The following GPC5 variants were observed in gnomAD, a reference collection of about 807,000 sequenced individuals.
GPC5 encodes glypican 5.
A neutral mutation model predicts 53.9 loss-of-function variants in GPC5; 47 were observed. The observed-to-expected ratio is 0.87, with a 90% CI of 0.69 to 1.11. The LOEUF is 1.11. Among genes scored for constraint, GPC5 ranks in the 50% most tolerant of loss-of-function variants. The pLI is 0.00. For missense variants in GPC5, 748 were observed against 713.1 expected (o/e 1.05, Z -0.56); for synonymous variants, 286 against 263.3 (o/e 1.09, Z -0.84).
chr13:92,113,633 C>G (rs1327242827), intron 6 of GPC5, among the ~76,000 whole-genome samples: 1 of 151,988 alleles, frequency 6.6e-6, no homozygotes, highest in African/African-American at 2.4e-5. Context: ...ATGTTAGGGA[C>G]ATATTAAGAG....
chr13:92,295,857 G>A (rs759274247), intron 7 of GPC5, among the ~76,000 whole-genome samples: 2 of 152,024 alleles, frequency 1.3e-5, no homozygotes, highest in African/African-American at 2.4e-5. Flanking sequence ...GTCCTTATGC[G>A]TTAGGTAAGT....
intron 6 of GPC5, among the ~76,000 whole-genome samples, chr13:92,033,090 A>G (rs2040866931): frequency 6.9e-6 from 1 of 145,928 alleles, no homozygotes; most frequent in Non-Finnish European, 1.5e-5. Flanking sequence ...TCATTGAACC[A>G]TATCAGTTTC....
chr13:92,465,021 T>C (rs1226637694), intron 7 of GPC5, among the ~76,000 whole-genome samples: 1 of 151,948 alleles, frequency 6.6e-6, no homozygotes, highest in Non-Finnish European at 1.5e-5. Context: ...TTGTGACAGA[T>C]GGTACATTCA....
At chr13:91,857,211 C>A (rs2038976550) in intron 5 of GPC5, among the ~76,000 whole-genome samples, 1 of 151,172 alleles carries the variant, frequency 6.6e-6, no homozygotes, top group Non-Finnish European at 1.5e-5. Context: ...TGATTTTTAT[C>A]TTTCTATTAT....
At chr13:92,355,677 A>G (rs1484698392) in intron 7 of GPC5, among the ~76,000 whole-genome samples, 1 of 152,014 alleles carries the variant, frequency 6.6e-6, no homozygotes, top group Non-Finnish European at 1.5e-5. Flanking sequence ...CAACATGCTG[A>G]CTTCTTTATT....
intron 1 of GPC5, among the ~76,000 whole-genome samples, chr13:91,436,479 C>G (rs1879972806): frequency 6.6e-6 from 1 of 152,142 alleles, no homozygotes; most frequent in Admixed American, 6.5e-5. Context: ...TGTTCAGTTT[C>G]CATGTAGTTG....
chr13:92,243,692 T>C (rs564954976), intron 7 of GPC5, among the ~76,000 whole-genome samples: 1 of 102,896 alleles, frequency 9.7e-6, no homozygotes, highest in South Asian at 3.7e-4. Flanking sequence ...AATATTTTCA[T>C]TGAATTGAAG....
chr13:92,591,462 A>AT (rs1261045909), intron 7 of GPC5, among the ~76,000 whole-genome samples: 1 of 152,146 alleles, frequency 6.6e-6, no homozygotes, highest in Admixed American at 6.5e-5. Flanking sequence ...CTTTTAATGT[A>AT]TTTTTAATTA....
chr13:91,983,090 A>G (rs1359666671), intron 6 of GPC5, among the ~76,000 whole-genome samples: 1 of 152,038 alleles, frequency 6.6e-6, no homozygotes, highest in Non-Finnish European at 1.5e-5. Flanking sequence ...TCACGCCTGT[A>G]ATCCCAGCAC....
At chr13:91,559,408 C>G (rs967679159) in intron 2 of GPC5, among the ~76,000 whole-genome samples, 1 of 152,090 alleles carries the variant, frequency 6.6e-6, no homozygotes. Context: ...GACTGAGAAC[C>G]AGGGAGCTTC....
intron 6 of GPC5, among the ~76,000 whole-genome samples, chr13:92,096,286 A>T (rs1356970943): frequency 6.6e-6 from 1 of 152,220 alleles, no homozygotes; most frequent in Non-Finnish European, 1.5e-5. Flanking sequence ...TCTGCCATTC[A>T]TGCAATGACT....
At chr13:92,565,321 GT>G (rs796366739) in intron 7 of GPC5, among the ~76,000 whole-genome samples, 6 of 151,970 alleles carry the variant, frequency 3.9e-5, no homozygotes, top group Admixed American at 2.6e-4. Context: ...TTTCACCTTG[GT>G]TTTTTTATTT....
chr13:91,809,878 A>T (rs2038282889), intron 5 of GPC5, among the ~76,000 whole-genome samples: 1 of 152,118 alleles, frequency 6.6e-6, no homozygotes, highest in African/African-American at 2.4e-5. Flanking sequence ...AGAAGTGGAC[A>T]TTAGGAAATA....
chr13:91,769,973 C>T (rs992975970), intron 5 of GPC5, among the ~76,000 whole-genome samples: 1 of 152,164 alleles, frequency 6.6e-6, no homozygotes, highest in Non-Finnish European at 1.5e-5. Context: ...AGATGCCCCC[C>T]ACTTTAGATG....
intron 7 of GPC5, among the ~76,000 whole-genome samples, chr13:92,436,702 G>A (rs986889708): frequency 4.6e-5 from 7 of 152,022 alleles, no homozygotes; most frequent in Non-Finnish European, 8.8e-5. Context: ...ATTTTTGAAC[G>A]TTTAGTATTT....
intron 1 of GPC5, among the ~76,000 whole-genome samples, chr13:91,434,796 A>G (rs1879781996): frequency 6.6e-6 from 1 of 152,132 alleles, no homozygotes; most frequent in South Asian, 2.1e-4. Flanking sequence ...CATTTTCACC[A>G]TATTGATTCT....
At chr13:91,835,259 G>A (rs1440659545) in intron 5 of GPC5, among the ~76,000 whole-genome samples, 4 of 152,188 alleles carry the variant, frequency 2.6e-5, no homozygotes, top group Non-Finnish European at 4.4e-5. Flanking sequence ...AGCATGTGGA[G>A]AAATAGGAAC....
intron 7 of GPC5, among the ~76,000 whole-genome samples, chr13:92,287,711 A>G (rs1360287936): frequency 1.3e-5 from 2 of 151,934 alleles, no homozygotes; most frequent in African/African-American, 4.8e-5. Context: ...TTCTTTTTGT[A>G]TTTGGCTTTG....
intron 7 of GPC5, among the ~76,000 whole-genome samples, chr13:92,253,496 C>A (rs1216786191): frequency 6.6e-6 from 1 of 151,972 alleles, no homozygotes; most frequent in African/African-American, 2.4e-5. Context: ...GTTAGTCATG[C>A]AGATAAGGAA....
Sources: allele counts gnomAD v4.1 joint callset (sites outside exome capture counted in the v4.1 genomes callset), GRCh38; gene constraint gnomAD v4.1.1; transcripts MANE v1.5; gene names NCBI Gene and HGNC (gene_info 2026-07-23, HGNC 2026-07-21).